Variants in FAM222B observed in about 807,000 individuals in gnomAD.
FAM222B encodes protein FAM222B.
Under a neutral mutation model 38.0 loss-of-function variants are expected in FAM222B, and 12 were observed. The observed-to-expected ratio is 0.32, with a 90% CI of 0.20 to 0.51. FAM222B has a LOEUF of 0.51. FAM222B is among the 20% of genes least tolerant of loss of function. The pLI is 0.97. For missense variants in FAM222B, 716 were observed against 754.2 expected (o/e 0.95, Z 0.59); for synonymous variants, 329 against 317.2 (o/e 1.04, Z -0.40).
intron 1 of FAM222B, among the ~76,000 whole-genome samples, chr17:28,778,144 C>T (rs2035979427): frequency 6.6e-6 from 1 of 150,766 alleles, no homozygotes; most frequent in African/African-American, 2.4e-5. Context: ...AGGTTTGTTA[C>T]ATAGGTATAC....
intron 1 of FAM222B, among the ~76,000 whole-genome samples, chr17:28,836,973 C>G (rs2152623606): frequency 6.6e-6 from 1 of 152,024 alleles, no homozygotes; most frequent in South Asian, 2.1e-4. Context: ...CAAAAATTAG[C>G]CAGGCATAGT....
chr17:28,849,557 A>C (rs886831459), intron 1 of FAM222B: 1 of 152,250 alleles, frequency 6.6e-6, no homozygotes, highest in African/African-American at 2.4e-5. Flanking sequence ...TTTTCTTCCA[A>C]GAAGCTGCAA....
Position 28,806,757 on chromosome 17 carries a change from G to C in FAM222B, c.-41+35925C>G, listed in dbSNP as rs1312234409. On this transcript the variant is annotated intron_variant, in intron 1 of 2. Transcript: ENST00000581407. Reference sequence around the variant, plus strand: ...CAGAAAGATAAAAAAAGCCTCTCAGGGTAGATATAGGAAAACTTCAAATCA... The same window carrying C: ...CAGAAAGATAAAAAAAGCCTCTCAGCGTAGATATAGGAAAACTTCAAATCA... 3.9e-5 allele frequency among the ~76,000 whole-genome samples: 6 copies of C among 151,908 alleles called. 1 individual carries two copies. Among genetic ancestry groups the C allele is most frequent in the East Asian group, 1.9e-4 (1 of 5,196 alleles).
At position 28,759,768 on chromosome 17, in the gene FAM222B, T is replaced by C. The variant is rs1209986862; in HGVS notation, c.191A>G (p.Asn64Ser). The change falls in exon 3 of 3, where the codon AAC (asparagine) becomes AGC (serine). Residue 64 changes from asparagine to serine, a missense_variant. Asn to Ser is a conservative substitution (Grantham distance 46). Coordinates refer to ENST00000581407, the MANE Select transcript of FAM222B (RefSeq NM_001077498.3). The surrounding 1 kb of genome is among the most constrained non-coding windows in gnomAD (Gnocchi z 4.8). ...TTTCCGCTGGGGAACCTTCACACTG[T>C]TGGGGAAGATTTTTATAGTCAGTGG... is the stretch of plus-strand genomic sequence containing the variant. ...NNPLTIKIFP[N>S]SVKVPQRKHV... 7.4e-6 allele frequency: 12 copies of C among 1,613,466 alleles called. No individual in the cohort carries two copies. The highest frequency in any genetic ancestry group is 1.7e-5 in the Admixed American group (1 of 59,912).
intron 2 of FAM222B, among the ~76,000 whole-genome samples, chr17:28,763,074 A>G (rs1010562008): frequency 6.6e-6 from 1 of 152,216 alleles, no homozygotes; most frequent in African/African-American, 2.4e-5. Flanking sequence ...CGACTTACTT[A>G]AATAGCTTAT....
intron 2 of FAM222B, among the ~76,000 whole-genome samples, chr17:28,763,049 C>T (rs1466149304): frequency 1.3e-5 from 2 of 152,118 alleles, no homozygotes; most frequent in Non-Finnish European, 2.9e-5. Context: ...AACACAGATA[C>T]CACAGCTTTG....
intron 1 of FAM222B, among the ~76,000 whole-genome samples, chr17:28,823,740 T>A (rs1431493007): frequency 6.6e-6 from 1 of 152,150 alleles, no homozygotes; most frequent in Non-Finnish European, 1.5e-5. Context: ...CCTGATTAAA[T>A]ACCATGACTT....
intron 1 of FAM222B, among the ~76,000 whole-genome samples, chr17:28,813,902 C>T (rs1292435522): frequency 6.6e-6 from 1 of 151,622 alleles, no homozygotes; most frequent in Non-Finnish European, 1.5e-5. Flanking sequence ...TGATAGAGCA[C>T]TACATGGGGC....
chr17:28,805,293 G>A (rs1043162954), intron 1 of FAM222B, among the ~76,000 whole-genome samples: 1 of 152,192 alleles, frequency 6.6e-6, no homozygotes, highest in Non-Finnish European at 1.5e-5. Context: ...ACACCACTTT[G>A]GGAGGCCATG....
chr17:28,834,236 T>C (rs1006567685), intron 1 of FAM222B: 3 of 152,202 alleles, frequency 2.0e-5, no homozygotes, highest in African/African-American at 7.2e-5. Flanking sequence ...AAGTCTAACT[T>C]CTATACTGTC....
At chr17:28,792,417 C>T (rs1042314493) in intron 1 of FAM222B, among the ~76,000 whole-genome samples, 3 of 151,216 alleles carry the variant, frequency 2.0e-5, no homozygotes, top group Non-Finnish European at 4.4e-5. Context: ...GAGTTTGAGG[C>T]TTCAGTGAGC....
chr17:28,853,251 C>T (rs2039195684), intron 1 of FAM222B, among the ~76,000 whole-genome samples: 1 of 150,934 alleles, frequency 6.6e-6, no homozygotes, highest in Non-Finnish European at 1.5e-5. Context: ...GTAGTCACAG[C>T]TACTAGCAGG....
intron 1 of FAM222B, among the ~76,000 whole-genome samples, chr17:28,770,362 G>T (rs2035565384): frequency 6.6e-6 from 1 of 152,170 alleles, no homozygotes; most frequent in South Asian, 2.1e-4. Flanking sequence ...CTGAAACCTA[G>T]ATTTGACTTT....
At position 28,841,719 on chromosome 17, in the gene FAM222B, G is replaced by A. The variant is rs577567821; in HGVS notation, c.-41+963C>T. On this transcript the variant is annotated intron_variant, in intron 1 of 2. Transcript: ENST00000581407. ...ACATTAGTGCCAACTGTGTTATAAG[G>A]CAACATGAGTTAGCTATGTTCAGAA... Among the ~76,000 whole-genome samples the A allele has an allele frequency of 3.9e-5, 6 of 152,284 alleles. No individual in the cohort carries two copies. In the East Asian group the frequency reaches 1.2e-3, roughly 29 times the overall value.
chr17:28,784,491 T>TAAAAAAAAAAAAAAAAAAAAAAAAA (rs559624246), intron 1 of FAM222B, among the ~76,000 whole-genome samples: 1 of 36,032 alleles, frequency 2.8e-5, no homozygotes, highest in Non-Finnish European at 5.0e-5. Context: ...TCCCCTCTCT[T>TAAAAAAAAAAAAAAAAAAAAAAAAA]AAAAAAAAAA....
intron 1 of FAM222B, among the ~76,000 whole-genome samples, chr17:28,778,043 C>T (rs1383996280): frequency 7.1e-6 from 1 of 140,624 alleles, no homozygotes; most frequent in South Asian, 2.4e-4. Context: ...CTGGGCACTA[C>T]TTCTGCACTG....
chr17:28,786,426 G>A (rs553724666), intron 1 of FAM222B, among the ~76,000 whole-genome samples: 1 of 152,246 alleles, frequency 6.6e-6, no homozygotes, highest in South Asian at 2.1e-4. Context: ...AGAGTAAACT[G>A]TATCAAAACA....
intron 1 of FAM222B, among the ~76,000 whole-genome samples, chr17:28,826,052 T>C (rs190925083): frequency 2.1e-3 from 310 of 147,046 alleles, no homozygotes; most frequent in Admixed American, 0.018. Context: ...GGGATTACCG[T>C]GCCCGGCCAT....
chr17:28,759,198 G>A lies in FAM222B; in HGVS notation c.761C>T (p.Ala254Val), dbSNP rs1315840690. ...AGGCTGGCTGTGCTGCAGAGTGGCC[G>A]CCATTGAAAGGGGGATAGTTGAGGT... ...VSTSTIPLSM[A>V]ATLQHSQPPD... Residue 254 changes from alanine (A) to valine (V), a missense_variant, in exon 3 of 3, where the codon GCG becomes GTG. By Grantham distance (64) the Ala-to-Val change is moderately conservative. Coordinates refer to ENST00000581407, the MANE Select transcript of FAM222B (RefSeq NM_001077498.3). The surrounding 1 kb of genome is among the most constrained non-coding windows in gnomAD (Gnocchi z 4.8). 5 of 1,613,328 alleles carry A rather than the reference G, an allele frequency of 3.1e-6. No individual in the cohort carries two copies. Among genetic ancestry groups the A allele is most frequent in the African/African-American group, 1.3e-5 (1 of 74,912 alleles).
Sources: allele counts gnomAD v4.1 joint callset (sites outside exome capture counted in the v4.1 genomes callset), GRCh38; gene constraint gnomAD v4.1.1; non-coding constraint Gnocchi (gnomAD v3.1); transcripts MANE v1.5; gene names NCBI Gene and HGNC (gene_info 2026-07-23, HGNC 2026-07-21).